The following TNFRSF21 variants were observed in gnomAD, a reference collection of about 807,000 sequenced individuals.
The protein encoded by TNFRSF21 is tumor necrosis factor receptor superfamily member 21.
Under a neutral mutation model 45.6 loss-of-function variants are expected in TNFRSF21, and 19 were observed. That is an observed-to-expected ratio of 0.42 (90% CI 0.29 to 0.61). The LOEUF is 0.61. Ranked by LOEUF, TNFRSF21 falls within the 20% of genes least tolerant of loss-of-function variation. TNFRSF21 has a pLI of 0.23. For synonymous variants in TNFRSF21, 314 were observed against 335.5 expected (o/e 0.94, Z 0.70); for missense variants, 737 against 851.5 (o/e 0.87, Z 1.67).
At chr6:47,255,459 G>GA (rs1554150180) in intron 3 of TNFRSF21, among the ~76,000 whole-genome samples, 1 of 146,296 alleles carries the variant, frequency 6.8e-6, no homozygotes, top group Non-Finnish European at 1.5e-5. Context: ...CATGTCTTTG[G>GA]TTTTTTTTTT....
chr6:47,290,987 A>G (rs16875872), intron 1 of TNFRSF21, among the ~76,000 whole-genome samples: 5,465 of 152,322 alleles, frequency 0.036, 315 homozygotes, highest in African/African-American at 0.12. Flanking sequence ...AATTGAAATC[A>G]CTGCTGAGAA....
At chr6:47,288,902 C>G (rs992171469) in intron 1 of TNFRSF21, among the ~76,000 whole-genome samples, 66 of 152,184 alleles carry the variant, frequency 4.3e-4, no homozygotes, top group African/African-American at 1.4e-3. Flanking sequence ...CCTTTGAAGA[C>G]CATAGCTACG....
At chr6:47,305,406 C>T (rs956417571) in intron 1 of TNFRSF21, among the ~76,000 whole-genome samples, 1 of 152,140 alleles carries the variant, frequency 6.6e-6, no homozygotes, top group Non-Finnish European at 1.5e-5. Flanking sequence ...TTTATGCTCC[C>T]TTCCAGCTTT....
At chr6:47,277,460 C>T in intron 3 of TNFRSF21, among the ~76,000 whole-genome samples, 1 of 152,172 alleles carries the variant, frequency 6.6e-6, no homozygotes, top group Non-Finnish European at 1.5e-5. Flanking sequence ...GCACCCTCGT[C>T]CTCATCACTG....
chr6:47,267,320 G>A (rs975979387), intron 3 of TNFRSF21, among the ~76,000 whole-genome samples: 2 of 151,886 alleles, frequency 1.3e-5, no homozygotes, highest in South Asian at 2.1e-4. Context: ...GGCTGGTCTC[G>A]AACTCCTGAC....
At chr6:47,272,583 C>G (rs1762438909) in intron 3 of TNFRSF21, among the ~76,000 whole-genome samples, 1 of 152,088 alleles carries the variant, frequency 6.6e-6, no homozygotes, top group African/African-American at 2.4e-5. Context: ...AAAATCAACA[C>G]CCTAACATCA....
intron 3 of TNFRSF21, 30 bp downstream of exon 3, chr6:47,283,908 G>A (rs1415152962): frequency 6.3e-7 from 1 of 1,592,536 alleles, no homozygotes; most frequent in Admixed American, 1.7e-5. Context: ...AGAGAGATCT[G>A]TGAGCAAGGA....
intron 1 of TNFRSF21, among the ~76,000 whole-genome samples, chr6:47,301,499 C>T (rs1419206873): frequency 6.6e-6 from 1 of 152,204 alleles, no homozygotes; most frequent in Non-Finnish European, 1.5e-5. Context: ...TGTATGTCCT[C>T]TCCAAATCTC....
intron 1 of TNFRSF21, among the ~76,000 whole-genome samples, chr6:47,302,682 C>A (rs1762881865): frequency 6.6e-6 from 1 of 152,178 alleles, no homozygotes. Flanking sequence ...TGGAGCAGAA[C>A]TGCTCATTAA....
At chr6:47,259,995 A>G (rs1765048826) in intron 3 of TNFRSF21, among the ~76,000 whole-genome samples, 1 of 152,160 alleles carries the variant, frequency 6.6e-6, no homozygotes, top group South Asian at 2.1e-4. Context: ...CTTATCTGGT[A>G]GAGTGGTTAA....
chr6:47,242,006 A>G (rs1764752112), intron 4 of TNFRSF21, among the ~76,000 whole-genome samples: 1 of 152,182 alleles, frequency 6.6e-6, no homozygotes, highest in African/African-American at 2.4e-5. Context: ...CCCTGGGATC[A>G]CTGGATGTCA....
intron 4 of TNFRSF21, among the ~76,000 whole-genome samples, chr6:47,235,933 G>A (rs1416001356): frequency 6.6e-6 from 1 of 152,224 alleles, no homozygotes; most frequent in Non-Finnish European, 1.5e-5. Flanking sequence ...ACTCTGGCTG[G>A]TGGGTAGAGA....
rs181497069 is a variant in TNFRSF21 at position 47,254,817 on chromosome 6, G to C, written c.1244-1296C>G. On this transcript the variant is annotated intron_variant, in intron 3 of 5. Coordinates refer to ENST00000296861, the MANE Select transcript of TNFRSF21 (RefSeq NM_014452.5). ...AATAACAATAGCTATTATCTTCCAG[G>C]TATTATGTTAAGGCATTAGCTCACT... Among the ~76,000 whole-genome samples, 12 of 152,202 alleles carry C rather than the reference G, an allele frequency of 7.9e-5. No homozygotes were observed. The East Asian group carries it at 2.3e-3, about 29-fold the overall frequency.
In TNFRSF21 at chr6:47,286,324, C is replaced by T; in HGVS notation, c.368G>A (p.Cys123Tyr). The T allele has an allele frequency of 1.2e-6, 2 of 1,614,234 alleles. No homozygotes were observed. Among genetic ancestry groups the T allele is most frequent in the Non-Finnish European group, 1.7e-6 (2 of 1,180,044 alleles). Residue 123 changes from cysteine to tyrosine, a missense_variant, in exon 2 of 6, where the codon TGT (cysteine) becomes TAT (tyrosine). By Grantham distance (194) the Cys-to-Tyr change is radical. Transcript: ENST00000296861. ...GCATTCTCGGTCAGTCAAGGCAGCA[C>T]AAGGTAATTTCTCAATCATTGGCCA... Reference protein sequence around the residue: ...CPWPMIEKLPCAALTDRECTC... With the variant: ...CPWPMIEKLPYAALTDRECTC...
At chr6:47,239,244 C>T (rs1764709527) in intron 4 of TNFRSF21, among the ~76,000 whole-genome samples, 1 of 148,750 alleles carries the variant, frequency 6.7e-6, no homozygotes, top group African/African-American at 2.5e-5. Flanking sequence ...CGAGATCACG[C>T]CCCTGCACTC....
chr6:47,267,482 T>C (rs571914519), intron 3 of TNFRSF21, among the ~76,000 whole-genome samples: 2 of 152,336 alleles, frequency 1.3e-5, no homozygotes, highest in South Asian at 2.1e-4. Context: ...AGTGCAGTTG[T>C]TGCCTCTGCA....
intron 5 of TNFRSF21, among the ~76,000 whole-genome samples, chr6:47,234,269 G>C (rs1764629283): frequency 6.6e-6 from 1 of 152,108 alleles, no homozygotes. Flanking sequence ...GAGCTGCTGC[G>C]CACGGCCTAA....
At chr6:47,246,042 C>T (rs1362286901) in intron 4 of TNFRSF21, among the ~76,000 whole-genome samples, 1 of 152,142 alleles carries the variant, frequency 6.6e-6, no homozygotes, top group Non-Finnish European at 1.5e-5. Flanking sequence ...TCCCACCAGG[C>T]CCCACCTCCA....
intron 3 of TNFRSF21, among the ~76,000 whole-genome samples, chr6:47,259,683 C>T (rs1393287439): frequency 6.6e-6 from 1 of 152,170 alleles, no homozygotes; most frequent in African/African-American, 2.4e-5. Context: ...CCAACATTGC[C>T]TTTTCCCGTG....
Sources: gnomAD v4.1 joint callset for allele counts (sites outside exome capture counted in the v4.1 genomes callset) on GRCh38, gnomAD v4.1.1 for gene constraint, MANE v1.5 for transcripts, NCBI Gene and HGNC (gene_info 2026-07-23, HGNC 2026-07-21) for gene names.